Variants in TMED1 observed in about 807,000 individuals in gnomAD.
TMED1 encodes the protein transmembrane emp24 domain-containing protein 1.
Under a neutral mutation model 21.2 loss-of-function variants are expected in TMED1, and 20 were observed. The observed-to-expected ratio is 0.95, with a 90% CI of 0.67 to 1.37. TMED1 has a LOEUF of 1.37. Among genes scored for constraint, TMED1 ranks in the 40% most tolerant of loss-of-function variants. The pLI, the probability that TMED1 is intolerant of heterozygous loss-of-function variation, is 0.00. For synonymous variants in TMED1, 149 were observed against 134.7 expected (o/e 1.11, Z -0.74); for missense variants, 316 against 309.8 (o/e 1.02, Z -0.15).
rs923698388 is a variant in TMED1 at position 10,832,929 on chromosome 19, C to T, written c.*66G>A. 3 of 1,566,056 alleles carry T rather than the reference C, an allele frequency of 1.9e-6. No individual in the cohort carries two copies. The highest frequency in any genetic ancestry group is 1.3e-5 in the African/African-American group (1 of 74,250). ...AGGAAACTAAAATTGGGGAGGGACCCCCAAGTCTCATATGCACACACCCTG... is the reference window on the plus strand; with the variant it reads ...AGGAAACTAAAATTGGGGAGGGACCTCCAAGTCTCATATGCACACACCCTG... On this transcript the variant is annotated 3_prime_UTR_variant, in exon 4 of 4. Transcript: ENST00000214869.
rs1174567464 is a variant in TMED1 at position 10,832,999 on chromosome 19, G to A, written c.680C>T (p.Thr227Met). Residue 227 changes from threonine (T) to methionine (M), a missense_variant, in exon 4 of 4, where the codon ACG becomes ATG. Transcript: ENST00000214869. The part of the protein sequence containing the change: ...RFFQDKRPVP[T>M] Reference sequence around the variant, plus strand: ...TTCTTCCTTCCATGGCAGGGGCTACGTGGGCACCGGGCGCTTGTCCTGGAA... The same window carrying A: ...TTCTTCCTTCCATGGCAGGGGCTACATGGGCACCGGGCGCTTGTCCTGGAA... 9 of 1,612,036 alleles carry A rather than the reference G, an allele frequency of 5.6e-6. No individual in the cohort carries two copies. Among genetic ancestry groups the A allele is most frequent in the Admixed American group, 1.7e-5 (1 of 60,000 alleles).
In TMED1 at chr19:10,833,045, C is replaced by A. The variant is rs745902415; in HGVS notation, c.634G>T (p.Val212Phe). The A allele has an allele frequency of 6.2e-7, 1 of 1,613,872 alleles. No individual in the cohort carries two copies. Among genetic ancestry groups the A allele is most frequent in the Admixed American group, 1.7e-5 (1 of 60,024 alleles). ...TGGAAGAAGCGCTTGAGCGTGCAGA[C>A]CTGCAGCACAGCCACCAGCAGCAGC... ...AVLLLVAVLQ[V>F]CTLKRFFQDK... is the part of the protein sequence containing the mutation. Residue 212 changes from valine to phenylalanine, a missense_variant, in exon 4 of 4, where the codon GTC becomes TTC. Physicochemically the swap from Val to Phe is conservative, Grantham distance 50 (BLOSUM62 -1). Transcript: ENST00000214869.
chr19:10,835,683 C>A (rs372714146), intron 1 of TMED1: 1 of 1,402,734 alleles, frequency 7.1e-7, no homozygotes, highest in Non-Finnish European at 9.3e-7. Flanking sequence ...CGAGAAAGGC[C>A]TGTGTGGGCA....
At chr19:10,835,926 C>T (rs2073422558) in intron 1 of TMED1, 83 bp downstream of exon 1, 1 of 1,477,222 alleles carries the variant, frequency 6.8e-7, no homozygotes, top group Non-Finnish European at 9.0e-7. Context: ...CTCCCCCTTC[C>T]TCCTAAAGCG....
At position 10,836,174 on chromosome 19, in the gene TMED1, C is replaced by A; in HGVS notation, c.18G>T (p.Ala6=). Residue 6 remains alanine, a synonymous_variant, in exon 1 of 4, where the codon GCG becomes GCT. Transcript: ENST00000214869. The part of the protein sequence containing the change: MMAAG[A]ALALALWLLM... Reference sequence around the variant, plus strand: ...GTAGCCACAAGGCCAGGGCTAGGGCCGCGCCGGCCGCCATCATCCGGGTCA... The same window carrying A: ...GTAGCCACAAGGCCAGGGCTAGGGCAGCGCCGGCCGCCATCATCCGGGTCA... The A allele has an allele frequency of 6.4e-7, 1 of 1,552,272 alleles. No individual in the cohort carries two copies. Among genetic ancestry groups the A allele is most frequent in the Non-Finnish European group, 8.7e-7 (1 of 1,152,090 alleles).
rs1002826531 is a variant in TMED1, at chr19:10,835,317, G to A, written c.220C>T (p.Leu74=). ...AACAGCACGCCCTGAGGGCTCTCCA[G>A]CGTGAAGTCCACGTCCAGTCCAGCA... The part of the protein sequence containing the change: ...GGAGLDVDFT[L]ESPQGVLLVS... The change falls in exon 2 of 4, where the codon CTG becomes TTG. Residue 74 remains leucine, a synonymous_variant. Coordinates refer to ENST00000214869, the MANE Select transcript of TMED1 (RefSeq NM_006858.4). The A allele has an allele frequency of 6.2e-7, 1 of 1,613,886 alleles. No homozygotes were observed. Among genetic ancestry groups the A allele is most frequent in the African/African-American group, 1.3e-5 (1 of 75,072 alleles).
intron 1 of TMED1, 168 bp from the exon 2 acceptor site, chr19:10,835,521 T>C: frequency 6.8e-7 from 1 of 1,461,346 alleles, no homozygotes; most frequent in African/African-American, 1.4e-5. Context: ...GCCCCTTGCC[T>C]CCACCCTCAT....
rs1387727742 is a variant in TMED1, at chr19:10,836,018, G to A, written c.174C>T (p.Thr58=). ...QSAPANASLE[T]EYQVIGGAGL... is the part of the protein sequence containing the mutation. ...GCCCGCGACCCTCTACCTGGTATTC[G>A]GTCTCGAGGCTTGCGTTGGCCGGCG... The change falls in exon 1 of 4, where the codon ACC becomes ACT. Residue 58 remains threonine (T), a synonymous_variant. Transcript: ENST00000214869. 6.3e-7 allele frequency: 1 copy of A among 1,593,568 alleles called. No homozygotes were observed.
chr19:10,832,198 T>C lies in TMED1; in HGVS notation c.*797A>G. 1 of 1,043,452 alleles carries C rather than the reference T, an allele frequency of 9.6e-7. No homozygotes were observed. The highest frequency in any genetic ancestry group is 1.3e-5 in the South Asian group (1 of 75,302). 64.6% of individuals were successfully genotyped at this position (1,043,452 alleles called of 1,614,324 possible). On this transcript the variant is annotated 3_prime_UTR_variant, in exon 4 of 4. Transcript: ENST00000214869. ...GCGGGGACCCCAGCGCTCCACCCCC[T>C]TCCTACCCTCAGGCCCTGCTTCTCT...
chr19:10,834,842 C>T, intron 3 of TMED1, 92 bp downstream of exon 3: 1 of 1,437,478 alleles, frequency 7.0e-7, no homozygotes, highest in Non-Finnish European at 9.5e-7. Flanking sequence ...GAGGGCACAA[C>T]TACGGAGGGG....
intron 3 of TMED1, 76 bp from the exon 4 acceptor site, chr19:10,833,289 T>C: frequency 7.9e-7 from 1 of 1,266,356 alleles, no homozygotes; most frequent in East Asian, 2.5e-5. Flanking sequence ...AACCGGGGGA[T>C]ACGGAGGGAG....
At chr19:10,833,703 C>A (rs2073390727) in intron 3 of TMED1, among the ~76,000 whole-genome samples, 1 of 152,102 alleles carries the variant, frequency 6.6e-6, no homozygotes, top group Admixed American at 6.6e-5. Context: ...CACTTAAACC[C>A]AGGAGTTCAA....
rs912890703 is a variant in TMED1, at chr19:10,835,046, A to G, written c.353T>C (p.Leu118Pro). 4.3e-6 allele frequency: 7 copies of G among 1,614,100 alleles called. No homozygotes were observed. Among genetic ancestry groups the G allele is most frequent in the Non-Finnish European group, 5.1e-6 (6 of 1,180,046 alleles). Reference sequence around the variant, plus strand: ...GTCAAAGATCAGTTCAAAGAACACCAGCTTCTCGGAGATGGTGCTGAAGGA... The same window carrying G: ...GTCAAAGATCAGTTCAAAGAACACCGGCTTCTCGGAGATGGTGCTGAAGGA... ...DNSFSTISEK[L>P]VFFELIFDSL... is the part of the protein sequence containing the mutation. Residue 118 changes from leucine (L) to proline (P), a missense_variant, in exon 3 of 4, where the codon CTG becomes CCG. By Grantham distance (98) the Leu-to-Pro change is moderately conservative. Coordinates refer to ENST00000214869, the MANE Select transcript of TMED1 (RefSeq NM_006858.4).
rs2073413240 is a variant in TMED1, at chr19:10,835,240, T to C, written c.281+16A>G. On this transcript the variant is annotated intron_variant, in intron 2 of 3. Transcript: ENST00000214869. Reference sequence around the variant, plus strand: ...GGCTGTAACTGAACCCAGGCAGGCATCAAGACTGAACTCACGTGTGTACCC... The same window carrying C: ...GGCTGTAACTGAACCCAGGCAGGCACCAAGACTGAACTCACGTGTGTACCC... 3 of 1,614,040 alleles carry C rather than the reference T, an allele frequency of 1.9e-6. No individual in the cohort carries two copies. The highest frequency in any genetic ancestry group is 2.5e-6 in the Non-Finnish European group (3 of 1,179,958).
rs2073363684 is a variant in TMED1 at position 10,832,179 on chromosome 19, A to AC, written c.*815dup. On this transcript the variant is annotated 3_prime_UTR_variant, in exon 4 of 4. Coordinates refer to ENST00000214869, the MANE Select transcript of TMED1 (RefSeq NM_006858.4). Reference sequence around the variant, plus strand: ...CTGGCTGCTGCCTGGTGAAGCGGGGACCCCAGCGCTCCACCCCCTTCCTAC... The same window carrying AC: ...CTGGCTGCTGCCTGGTGAAGCGGGGACCCCCAGCGCTCCACCCCCTTCCTAC... 4 of 817,662 alleles carry AC rather than the reference A, an allele frequency of 4.9e-6. No homozygotes were observed. The South Asian group carries it at 5.8e-5, about 12-fold the overall frequency. The allele number at this position is 817,662 out of a possible 1,614,324, so 50.7% of individuals were successfully genotyped here.
Position 10,832,424 on chromosome 19 carries a change from T to C in TMED1, c.*571A>G. 1 of 1,154,218 alleles carries C rather than the reference T, an allele frequency of 8.7e-7. No individual in the cohort carries two copies. Among genetic ancestry groups the C allele is most frequent in the Non-Finnish European group, 1.2e-6 (1 of 869,044 alleles). The allele number at this position is 1,154,218 out of a possible 1,614,324, so 71.5% of individuals were successfully genotyped here. ...CCTGGCTGGTGTCCCTGAGCCCCAA[T>C]CAGCAGGCTCTTGTGATTTTCTGAC... is the stretch of plus-strand genomic sequence containing the variant. On this transcript the variant is annotated 3_prime_UTR_variant, in exon 4 of 4. Transcript: ENST00000214869.
chr19:10,835,778 A>G (rs1393815114), intron 1 of TMED1: 4 of 1,416,626 alleles, frequency 2.8e-6, no homozygotes, highest in Non-Finnish European at 2.8e-6. Context: ...ATACTTATCG[A>G]TGGCCCCGCC....
At chr19:10,834,904 A>G (rs747858373) in intron 3 of TMED1, 30 bp downstream of exon 3, 2 of 1,602,592 alleles carry the variant, frequency 1.2e-6, no homozygotes, top group Admixed American at 1.7e-5. Context: ...GAGATCTGGA[A>G]GGAGTGGCCC....
chr19:10,835,436 G>C, intron 1 of TMED1, 83 bp from the exon 2 acceptor site: 2 of 1,577,650 alleles, frequency 1.3e-6, no homozygotes, highest in Non-Finnish European at 1.7e-6. Flanking sequence ...AACCAACACT[G>C]ATCAATACAG....
Sources: allele counts gnomAD v4.1 joint callset (sites outside exome capture counted in the v4.1 genomes callset), GRCh38; gene constraint gnomAD v4.1.1; transcripts MANE v1.5; gene names NCBI Gene and HGNC (gene_info 2026-07-23, HGNC 2026-07-21).